The following PLD5 variants were observed in gnomAD, a reference collection of about 807,000 sequenced individuals.
PLD5 encodes phospholipase D family member 5, also known as inactive phospholipase D5.
PLD5 carries 36 observed loss-of-function variants against 61.1 expected under a neutral mutation model. That is an observed-to-expected ratio of 0.59 (90% confidence interval 0.45 to 0.78). PLD5 has a LOEUF of 0.78. Ranked by LOEUF, PLD5 falls within the 30% of genes least tolerant of loss-of-function variation. The pLI, the probability that PLD5 is intolerant of heterozygous loss-of-function variation, is 0.00. For synonymous variants in PLD5, 243 were observed against 242.8 expected, an observed-to-expected ratio of 1.00 and a Z score of -0.01; for missense variants, 515 against 644.4, an observed-to-expected ratio of 0.80 and a Z score of 2.17.
chr1:242,107,604 G>T, intron 8 of PLD5, 67 bp downstream of exon 8: 1 of 1,407,482 alleles, frequency 7.1e-7, no homozygotes, highest in Non-Finnish European at 9.6e-7. Flanking sequence ...GCGTATGCTT[G>T]CAGCTTTCAC....
At chr1:242,451,459 C>CTTT (rs398038597) in intron 1 of PLD5, among the ~76,000 whole-genome samples, 28,031 of 114,804 alleles carry the variant, frequency 0.24, 4,119 homozygotes, top group Non-Finnish European at 0.32. Flanking sequence ...GTATCAAATT[C>CTTT]TTTTTTTTTT....
chr1:242,476,398 A>T (rs1191980309), intron 1 of PLD5, among the ~76,000 whole-genome samples: 1 of 151,992 alleles, frequency 6.6e-6, no homozygotes, highest in African/African-American at 2.4e-5. Context: ...CCCCAAATGG[A>T]GCGTTTAGTA....
intron 2 of PLD5, among the ~76,000 whole-genome samples, chr1:242,328,978 T>C (rs1338254621): frequency 6.6e-6 from 1 of 150,770 alleles, no homozygotes; most frequent in Non-Finnish European, 1.5e-5. Flanking sequence ...TTTTCTTCAA[T>C]CATTTTTTTT....
At chr1:242,283,153 A>G (rs1045439008) in intron 3 of PLD5, among the ~76,000 whole-genome samples, 2 of 152,250 alleles carry the variant, frequency 1.3e-5, no homozygotes, top group African/African-American at 4.8e-5. Context: ...GCACATATTC[A>G]TCATTCCTGT....
intron 1 of PLD5, among the ~76,000 whole-genome samples, chr1:242,407,368 T>A (rs1210769636): frequency 3.3e-5 from 5 of 152,108 alleles, no homozygotes; most frequent in African/African-American, 9.7e-5. Context: ...AATACATATA[T>A]CAATACATCC....
At chr1:242,192,170 A>C (rs985153425) in intron 5 of PLD5, 2 of 152,242 alleles carry the variant, frequency 1.3e-5, no homozygotes, top group Non-Finnish European at 2.9e-5. Flanking sequence ...CTTCTAATTA[A>C]AATATCTGAC....
rs1675268632 is a variant in PLD5, at chr1:242,290,045, C to G, written c.327-1515G>C. ...AAAATTTGTTGAGCCTTTATAAGCA[C>G]AGGGCAGGCAAATCACTATGTGCAA... is the stretch of plus-strand genomic sequence containing the variant. On this transcript the variant is annotated intron_variant, in intron 2 of 9. Transcript: ENST00000536534. Among the ~76,000 whole-genome samples, 7 of 150,888 alleles carry G rather than the reference C, an allele frequency of 4.6e-5. No homozygotes were observed. The Admixed American group carries it at 4.6e-4, about 10-fold the overall frequency.
intron 6 of PLD5, among the ~76,000 whole-genome samples, chr1:242,114,362 G>A (rs933652071): frequency 6.6e-6 from 1 of 152,158 alleles, no homozygotes; most frequent in South Asian, 2.1e-4. Context: ...GTATAGTGAT[G>A]AGATTATGGT....
intron 1 of PLD5, among the ~76,000 whole-genome samples, chr1:242,379,344 C>T (rs1334066426): frequency 6.6e-6 from 1 of 152,152 alleles, no homozygotes; most frequent in Non-Finnish European, 1.5e-5. Flanking sequence ...ACCCTCTTGG[C>T]CTATTCTTCT....
At chr1:242,213,324 T>C (rs764122062) in intron 5 of PLD5, among the ~76,000 whole-genome samples, 4 of 152,166 alleles carry the variant, frequency 2.6e-5, no homozygotes, top group Admixed American at 6.6e-5. Context: ...TGCTCCCCAG[T>C]AGAAAAGAAT....
chr1:242,291,275 G>T (rs1013250507), intron 2 of PLD5, among the ~76,000 whole-genome samples: 1 of 152,088 alleles, frequency 6.6e-6, no homozygotes, highest in African/African-American at 2.4e-5. Flanking sequence ...ATCAACTTCT[G>T]CAGTGACCTG....
intron 5 of PLD5, among the ~76,000 whole-genome samples, chr1:242,189,196 C>T (rs1407198065): frequency 6.6e-6 from 1 of 152,136 alleles, no homozygotes; most frequent in Non-Finnish European, 1.5e-5. Context: ...CCTGTAATCC[C>T]AGCACTTTGG....
At chr1:242,123,072 G>A (rs1662509545) in intron 6 of PLD5, among the ~76,000 whole-genome samples, 1 of 152,138 alleles carries the variant, frequency 6.6e-6, no homozygotes, top group Admixed American at 6.5e-5. Context: ...TCCTGGGTGG[G>A]GACAGGGGAC....
chr1:242,263,893 T>C (rs962217454), intron 4 of PLD5, among the ~76,000 whole-genome samples: 1 of 152,244 alleles, frequency 6.6e-6, no homozygotes, highest in South Asian at 2.1e-4. Context: ...GGCTTCCTAA[T>C]ATCCCCAAGC....
At chr1:242,518,501 A>G (rs1558164882) in intron 1 of PLD5, among the ~76,000 whole-genome samples, 1 of 152,196 alleles carries the variant, frequency 6.6e-6, no homozygotes, top group Non-Finnish European at 1.5e-5. Context: ...CAGTAAGAGA[A>G]CATAACTTAT....
chr1:242,383,278 GAC>G (rs1176363375), intron 1 of PLD5, among the ~76,000 whole-genome samples: 2 of 151,882 alleles, frequency 1.3e-5, no homozygotes, highest in African/African-American at 4.8e-5. Context: ...GTGATATTTT[GAC>G]ACACGTATAC....
At chr1:242,505,595 G>A (rs1004634170) in intron 1 of PLD5, among the ~76,000 whole-genome samples, 6 of 152,222 alleles carry the variant, frequency 3.9e-5, no homozygotes, top group Non-Finnish European at 8.8e-5. Context: ...TCATGGCAAG[G>A]TTCTGCAACG....
intron 1 of PLD5, among the ~76,000 whole-genome samples, chr1:242,399,779 C>T (rs1242361609): frequency 6.6e-6 from 1 of 152,174 alleles, no homozygotes; most frequent in African/African-American, 2.4e-5. Flanking sequence ...CTCCTGAGCT[C>T]CGCCTCCTGT....
intron 5 of PLD5, among the ~76,000 whole-genome samples, chr1:242,186,480 G>A (rs1667898466): frequency 6.6e-6 from 1 of 152,122 alleles, no homozygotes; most frequent in African/African-American, 2.4e-5. Context: ...ACCATACCTG[G>A]CCTGGGCTGT....
Sources: gnomAD v4.1 joint callset for allele counts (sites outside exome capture counted in the v4.1 genomes callset) on GRCh38, gnomAD v4.1.1 for gene constraint, MANE v1.5 for transcripts, NCBI Gene and HGNC (gene_info 2026-07-23, HGNC 2026-07-21) for gene names.